The following IL3RA variants were observed in gnomAD, a reference collection of about 807,000 sequenced individuals.
IL3RA encodes the protein interleukin-3 receptor subunit alpha.
In IL3RA, 73 loss-of-function variants were observed where a neutral mutation model predicts 52.3. The ratio of observed to expected loss-of-function variants is 1.40; its 90% CI spans 1.16 to 1.70. The LOEUF (loss-of-function observed/expected upper bound fraction) is 1.70, where lower values mean the gene tolerates loss of function less well. Ranked by LOEUF, IL3RA falls within the 40% of genes most tolerant of loss-of-function variation. The pLI, the probability that IL3RA is intolerant of heterozygous loss-of-function variation, is 0.00. For missense variants in IL3RA, 664 were observed against 504.4 expected (o/e 1.32, Z -3.03); for synonymous variants, 260 against 194.0 (o/e 1.34, Z -2.83).
chrX:1,354,485 A>G (rs1416204729), intron 6 of IL3RA, among the ~76,000 whole-genome samples: 2 of 140,464 alleles, frequency 1.4e-5, no homozygotes, highest in African/African-American at 5.9e-5. Flanking sequence ...GAGGAAGAAC[A>G]TGAGCAGGGG....
chrX:1,379,476 A>T (rs759433370), intron 10 of IL3RA, among the ~76,000 whole-genome samples: 2 of 152,126 alleles, frequency 1.3e-5, no homozygotes, highest in Admixed American at 1.3e-4. Flanking sequence ...TATTCACAAA[A>T]GACCAGGGGC....
chrX:1,340,650 T>C (rs750460907), intron 1 of IL3RA, among the ~76,000 whole-genome samples: 4 of 152,250 alleles, frequency 2.6e-5, no homozygotes, highest in Admixed American at 1.3e-4. Context: ...CAGATACATA[T>C]GCATTCAAAC....
chrX:1,366,108 G>A (rs1342019259), intron 9 of IL3RA, among the ~76,000 whole-genome samples: 2 of 28,588 alleles, frequency 7.0e-5, no homozygotes. Context: ...CGCGGCGTGA[G>A]CCGGGTGCGC....
intron 10 of IL3RA, among the ~76,000 whole-genome samples, chrX:1,380,456 G>GA (rs2089102355): frequency 3.1e-4 from 1 of 3,274 alleles, no homozygotes; most frequent in Non-Finnish European, 6.8e-4. Context: ...GGGGGGAGGA[G>GA]GGGGGAAGGG....
intron 2 of IL3RA, among the ~76,000 whole-genome samples, chrX:1,343,992 C>G (rs1178037435): frequency 6.6e-6 from 1 of 151,748 alleles, no homozygotes; most frequent in Admixed American, 6.6e-5. Flanking sequence ...GACGGGGTTT[C>G]ACCGTGTTAG....
At chrX:1,368,256 T>TC (rs2088328743) in intron 9 of IL3RA, among the ~76,000 whole-genome samples, 1 of 151,764 alleles carries the variant, frequency 6.6e-6, no homozygotes, top group African/African-American at 2.4e-5. Flanking sequence ...AGAGCGAGAC[T>TC]CCATCTCAAC....
chrX:1,338,466 GGA>G (rs1371677512), intron 1 of IL3RA, among the ~76,000 whole-genome samples: 1 of 151,958 alleles, frequency 6.6e-6, no homozygotes, highest in Admixed American at 6.6e-5. Flanking sequence ...GCCAAGAGGT[GGA>G]GAGAGTCCTC....
chrX:1,381,456 TGAAG>T (rs2089173082), intron 11 of IL3RA, among the ~76,000 whole-genome samples: 1 of 151,364 alleles, frequency 6.6e-6, no homozygotes, highest in Non-Finnish European at 1.5e-5. Context: ...AGCTGCAGGA[TGAAG>T]GGAGTGGGGG....
intron 3 of IL3RA, among the ~76,000 whole-genome samples, chrX:1,346,467 T>C (rs1426536997): frequency 6.0e-5 from 9 of 149,686 alleles, no homozygotes; most frequent in Non-Finnish European, 1.3e-4. Flanking sequence ...ATTAGCCGGA[T>C]GTGGTGGCAC....
At chrX:1,359,634 C>A (rs1407055863) in intron 8 of IL3RA, among the ~76,000 whole-genome samples, 7 of 148,618 alleles carry the variant, frequency 4.7e-5, no homozygotes, top group Admixed American at 1.3e-4. Flanking sequence ...CCTTCCCTCT[C>A]TCTATCTTTC....
chrX:1,352,386 C>A lies in IL3RA; in HGVS notation c.496C>A (p.Arg166Ser). 1.2e-6 allele frequency: 2 copies of A among 1,613,846 alleles called. No individual in the cohort carries two copies. Among genetic ancestry groups the A allele is most frequent in the Non-Finnish European group, 1.7e-6 (2 of 1,179,856 alleles). ...TGCTCAGGGAACACGTATCGGGTGT[C>A]GTTTCGATGACATCTCTCGACTCTC... ...TDAQGTRIGC[R>S]FDDISRLSSG... Residue 166 changes from arginine (R) to serine (S), a missense_variant, in exon 6 of 12, where the codon CGT (arginine) becomes AGT (serine). Transcript: ENST00000331035.
chrX:1,352,578 C>A, intron 6 of IL3RA, 72 bp downstream of exon 6: 2 of 1,469,886 alleles, frequency 1.4e-6, no homozygotes, highest in East Asian at 2.4e-5. Context: ...GGCCAGATCC[C>A]ACGGGACCAC....
At chrX:1,349,567 C>G (rs2085986418) in intron 4 of IL3RA, among the ~76,000 whole-genome samples, 1 of 152,182 alleles carries the variant, frequency 6.6e-6, no homozygotes, top group South Asian at 2.1e-4. Flanking sequence ...CCGCCTCAGT[C>G]TCCCAAAGTG....
At chrX:1,357,995 C>T (rs1222657050) in intron 7 of IL3RA, among the ~76,000 whole-genome samples, 6 of 151,462 alleles carry the variant, frequency 4.0e-5, no homozygotes, top group African/African-American at 1.5e-4. Flanking sequence ...GTCCCAGCTA[C>T]TTGGGAGGCT....
In IL3RA at chrX:1,348,074, C is replaced by T. The variant is rs28465496; in HGVS notation, c.184-357C>T. 6.6e-3 allele frequency among the ~76,000 whole-genome samples: 957 copies of T among 143,980 alleles called. 31 individuals carry two copies. The highest frequency in any genetic ancestry group is 0.023 in the African/African-American group (874 of 38,774). 94.5% of individuals were successfully genotyped at this position (143,980 alleles called of 152,430 possible). A position where few individuals can be genotyped will look rare whatever the true frequency, so the allele number is the denominator to read the frequency against. On this transcript the variant is annotated intron_variant, in intron 3 of 11. Coordinates refer to ENST00000331035, the MANE Select transcript of IL3RA (RefSeq NM_002183.4). ...AACAGAAAAAAGTCTTGGCCGGGCA[C>T]GGTGGCTCACGCCTGTAATCCCAGC...
intron 2 of IL3RA, among the ~76,000 whole-genome samples, chrX:1,345,025 C>T (rs1325834756): frequency 1.6e-4 from 22 of 133,688 alleles, no homozygotes; most frequent in African/African-American, 2.6e-4. Flanking sequence ...AAAAATTAGC[C>T]GGGCGTGGTG....
chrX:1,367,843 G>C (rs1291304913), intron 9 of IL3RA, among the ~76,000 whole-genome samples: 1 of 151,170 alleles, frequency 6.6e-6, no homozygotes, highest in Non-Finnish European at 1.5e-5. Context: ...CGCCATCCTG[G>C]GTCACGGAAA....
Position 1,345,303 on chromosome X carries a change from G to C in IL3RA, c.65-13G>C, listed in dbSNP as rs772560288. On this transcript the variant is annotated splice_polypyrimidine_tract_variant and intron_variant, in intron 2 of 11. Transcript: ENST00000331035. ...TACGTATCTCTTCGAACTCCAACCT[G>C]TCACCGTTTTAGATCCAAACCCACC... 3 of 1,583,176 alleles carry C rather than the reference G, an allele frequency of 1.9e-6. No homozygotes were observed. The highest frequency in any genetic ancestry group is 1.4e-5 in the African/African-American group (1 of 73,144).
At chrX:1,379,896 G>A (rs1179394781) in intron 10 of IL3RA, among the ~76,000 whole-genome samples, 1 of 152,208 alleles carries the variant, frequency 6.6e-6, no homozygotes. Context: ...GAGTAGCTGG[G>A]ATTACAAGGA....
Sources: allele counts gnomAD v4.1 joint callset (sites outside exome capture counted in the v4.1 genomes callset), GRCh38; gene constraint gnomAD v4.1.1; transcripts MANE v1.5; gene names NCBI Gene and HGNC (gene_info 2026-07-23, HGNC 2026-07-21).